The following NRXN3 variants were observed in gnomAD, a reference collection of about 807,000 sequenced individuals.
NRXN3 encodes neurexin III.
A neutral mutation model predicts 137.6 loss-of-function variants in NRXN3; 32 were observed. The ratio of observed to expected loss-of-function variants is 0.23; its 90% CI spans 0.18 to 0.31. NRXN3 has a LOEUF of 0.31. NRXN3 is among the 10% of genes least tolerant of loss of function. NRXN3 has a pLI of 1.00. For missense variants in NRXN3, 1,574 were observed against 2,062.5 expected (o/e 0.76, Z 4.59); for synonymous variants, 798 against 784.5 (o/e 1.02, Z -0.29).
At chr14:79,016,778 C>T (rs1015615109) in intron 15 of NRXN3, among the ~76,000 whole-genome samples, 12 of 152,196 alleles carry the variant, frequency 7.9e-5, no homozygotes, top group African/African-American at 1.9e-4. Flanking sequence ...TCTTCTTACT[C>T]GCCAAGCTCT....
chr14:79,672,822 T>C (rs904705744), intron 17 of NRXN3, among the ~76,000 whole-genome samples: 9 of 152,234 alleles, frequency 5.9e-5, no homozygotes, highest in African/African-American at 1.9e-4. Context: ...TAGTTTTATT[T>C]ATGGGAAAAG....
chr14:79,244,351 G>A (rs1030316904), intron 15 of NRXN3, among the ~76,000 whole-genome samples: 13 of 152,100 alleles, frequency 8.5e-5, no homozygotes, highest in Non-Finnish European at 1.5e-5. Flanking sequence ...CAGAAGATGA[G>A]CATTTTCTTT....
At chr14:79,662,830 A>G (rs1423004767) in intron 16 of NRXN3, among the ~76,000 whole-genome samples, 1 of 152,038 alleles carries the variant, frequency 6.6e-6, no homozygotes, top group Non-Finnish European at 1.5e-5. Context: ...CGAGAACAGG[A>G]CCAAGGGAAT....
intron 1 of NRXN3, among the ~76,000 whole-genome samples, chr14:78,237,848 G>C (rs2066521778): frequency 6.6e-6 from 1 of 152,176 alleles, no homozygotes; most frequent in Non-Finnish European, 1.5e-5. Context: ...TTCCAGTCCT[G>C]GTGAGGGCAG....
intron 4 of NRXN3, among the ~76,000 whole-genome samples, chr14:78,600,032 C>A (rs2097189931): frequency 6.6e-6 from 1 of 152,206 alleles, no homozygotes; most frequent in Admixed American, 6.5e-5. Context: ...AAACTGGGTT[C>A]AGCCACGTGT....
intron 15 of NRXN3, among the ~76,000 whole-genome samples, chr14:79,384,473 G>A (rs2094551346): frequency 6.6e-6 from 1 of 152,050 alleles, no homozygotes; most frequent in Non-Finnish European, 1.5e-5. Flanking sequence ...TTTGAATTAG[G>A]AAATACAGAA....
In NRXN3 at chr14:78,861,067, T is replaced by A. The variant is rs965187591; in HGVS notation, c.2275+50723T>A. 7.5e-5 allele frequency among the ~76,000 whole-genome samples: 11 copies of A among 147,240 alleles called. 2 individuals are homozygous for A. Among genetic ancestry groups the A allele is most frequent in the Admixed American group, 7.3e-4 (11 of 15,124 alleles). On this transcript the variant is annotated intron_variant, in intron 10 of 20. Coordinates refer to ENST00000335750, the MANE Select transcript of NRXN3 (RefSeq NM_001330195.2). ...GATCGTTATATATGTGTATCATGTA[T>A]ATTACCAGGTATAGTCCTGTAATAG...
chr14:79,210,677 T>C (rs1407836620), intron 15 of NRXN3, among the ~76,000 whole-genome samples: 3 of 152,194 alleles, frequency 2.0e-5, no homozygotes, highest in Non-Finnish European at 4.4e-5. Context: ...AATTCCTTGG[T>C]TTTAATAAAC....
intron 2 of NRXN3, among the ~76,000 whole-genome samples, chr14:78,245,548 C>G (rs1596324039): frequency 6.6e-6 from 1 of 152,168 alleles, no homozygotes; most frequent in African/African-American, 2.4e-5. Context: ...GCAGGTGTTC[C>G]TTAAGTGTTT....
rs566891987 is a variant in NRXN3 at position 78,828,821 on chromosome 14, G to T, written c.2275+18477G>T. Among the ~76,000 whole-genome samples the T allele has an allele frequency of 2.0e-5, 3 of 152,312 alleles. No individual in the cohort carries two copies. In the South Asian group the frequency reaches 6.2e-4, roughly 32 times the overall value. On this transcript the variant is annotated intron_variant, in intron 10 of 20. Transcript: ENST00000335750. ...CCTTATAAGATTTGCATTAACATTT[G>T]TGAATGCATAAAGACTTAAGTGAGT...
At chr14:78,251,450 G>T (rs541388804) in intron 2 of NRXN3, among the ~76,000 whole-genome samples, 5 of 152,140 alleles carry the variant, frequency 3.3e-5, no homozygotes, top group Non-Finnish European at 7.3e-5. Flanking sequence ...TTTTCTTAAG[G>T]ACTCCCAAAT....
intron 4 of NRXN3, among the ~76,000 whole-genome samples, chr14:78,569,974 A>G (rs2096874837): frequency 6.6e-6 from 1 of 152,236 alleles, no homozygotes; most frequent in South Asian, 2.1e-4. Context: ...TGGCCTGGAG[A>G]ATAAGGGCCT....
intron 15 of NRXN3, among the ~76,000 whole-genome samples, chr14:79,321,801 C>G (rs902748827): frequency 6.7e-6 from 1 of 148,714 alleles, no homozygotes; most frequent in African/African-American, 2.5e-5. Flanking sequence ...TATTAATATA[C>G]TTATATAAGC....
intron 4 of NRXN3, among the ~76,000 whole-genome samples, chr14:78,337,671 C>G (rs1319722794): frequency 6.6e-6 from 1 of 152,142 alleles, no homozygotes; most frequent in Admixed American, 6.6e-5. Context: ...GATATTTTCT[C>G]TAAGCACTGA....
chr14:79,849,675 G>A (rs2099387662), intron 20 of NRXN3, among the ~76,000 whole-genome samples: 1 of 152,144 alleles, frequency 6.6e-6, no homozygotes, highest in African/African-American at 2.4e-5. Flanking sequence ...GATTGGTCCA[G>A]CCATTACAGA....
intron 4 of NRXN3, among the ~76,000 whole-genome samples, chr14:78,437,201 AC>A (rs1379498548): frequency 6.6e-6 from 1 of 152,214 alleles, no homozygotes; most frequent in African/African-American, 2.4e-5. Context: ...AGATGAAGAA[AC>A]CAAGGCATGG....
chr14:78,424,701 T>A (rs925005072), intron 4 of NRXN3, among the ~76,000 whole-genome samples: 9 of 152,212 alleles, frequency 5.9e-5, no homozygotes, highest in Non-Finnish European at 1.2e-4. Context: ...TTGCTGGAGT[T>A]TGAATCTCTG....
At chr14:79,762,958 T>C (rs2099043726) in intron 19 of NRXN3, among the ~76,000 whole-genome samples, 2 of 151,622 alleles carry the variant, frequency 1.3e-5, no homozygotes. Context: ...CATGGTAGTT[T>C]GCTGCACTCA....
chr14:78,411,171 ACT>A (rs1387687378), intron 4 of NRXN3, among the ~76,000 whole-genome samples: 5 of 151,974 alleles, frequency 3.3e-5, no homozygotes, highest in African/African-American at 1.2e-4. Context: ...CTGTCTGTAA[ACT>A]CTAGAGTTTA....
Sources: allele counts gnomAD v4.1 joint callset (sites outside exome capture counted in the v4.1 genomes callset), GRCh38; gene constraint gnomAD v4.1.1; transcripts MANE v1.5; gene names NCBI Gene and HGNC (gene_info 2026-07-23, HGNC 2026-07-21).